The following PRKCH variants were observed in gnomAD, a reference collection of about 807,000 sequenced individuals.
PRKCH encodes protein kinase C eta type.
In PRKCH, 28 loss-of-function variants were observed where a neutral mutation model predicts 82.5. The observed-to-expected ratio is 0.34, with a 90% CI of 0.25 to 0.47. The LOEUF (loss-of-function observed/expected upper bound fraction) is 0.47. Ranked by LOEUF, PRKCH falls within the 20% of genes least tolerant of loss-of-function variation. PRKCH has a pLI of 1.00. For synonymous variants in PRKCH, 322 were observed against 327.4 expected (o/e 0.98, Z 0.18); for missense variants, 705 against 881.8 (o/e 0.80, Z 2.54).
chr14:61,373,385 G>A (rs147205174), intron 1 of PRKCH, among the ~76,000 whole-genome samples: 1,945 of 151,948 alleles, frequency 0.013, 23 homozygotes, highest in South Asian at 0.026. Flanking sequence ...CAACCAACCA[G>A]ATGTCATGAG....
rs550850034 is a variant in PRKCH at position 61,295,592 on chromosome 14, G to A, written c.-19+107924G>A. ...GGTAGTGAGGCTTAAATGGGGTAATGCCGAATCCAGTGCCTGGCACAAAGT... is the reference window on the plus strand; with the variant it reads ...GGTAGTGAGGCTTAAATGGGGTAATACCGAATCCAGTGCCTGGCACAAAGT... On this transcript the variant is annotated intron_variant, in intron 1 of 3. Transcript: ENST00000555185. 3.3e-5 allele frequency among the ~76,000 whole-genome samples: 5 copies of A among 152,364 alleles called. No individual in the cohort carries two copies. The South Asian group carries it at 1.0e-3, about 32-fold the overall frequency.
At chr14:61,471,403 C>G (rs1397501188) in intron 9 of PRKCH, among the ~76,000 whole-genome samples, 1 of 152,206 alleles carries the variant, frequency 6.6e-6, no homozygotes, top group Non-Finnish European at 1.5e-5. Flanking sequence ...TGCTCATTCA[C>G]TTGATTTGTG....
At chr14:61,444,430 T>C (rs1884118791) in intron 3 of PRKCH, among the ~76,000 whole-genome samples, 1 of 150,318 alleles carries the variant, frequency 6.7e-6, no homozygotes, top group African/African-American at 2.4e-5. Flanking sequence ...TGTCACACTT[T>C]TCTGTTTCTT....
At chr14:61,199,363 C>T (rs60666689) in intron 1 of PRKCH, among the ~76,000 whole-genome samples, 3,630 of 152,198 alleles carry the variant, frequency 0.024, 133 homozygotes, top group African/African-American at 0.081. Flanking sequence ...CCATGGTTTC[C>T]CAGACATCAA....
chr14:61,336,202 G>T (rs566066239), intron 1 of PRKCH, among the ~76,000 whole-genome samples: 1 of 152,224 alleles, frequency 6.6e-6, no homozygotes, highest in African/African-American at 2.4e-5. Context: ...TTTGAAAGCA[G>T]TAAGATATTT....
intron 10 of PRKCH, among the ~76,000 whole-genome samples, chr14:61,506,876 TG>T (rs1462321031): frequency 1.2e-4 from 19 of 152,134 alleles, no homozygotes; most frequent in African/African-American, 4.3e-4. Flanking sequence ...AGCCCTAAAT[TG>T]CCCTGCTAAA....
At chr14:61,526,706 G>A (rs971941134) in intron 10 of PRKCH, among the ~76,000 whole-genome samples, 5 of 152,166 alleles carry the variant, frequency 3.3e-5, no homozygotes, top group African/African-American at 1.2e-4. Context: ...ATAGAACCTC[G>A]AGTGCCCTGA....
intron 2 of PRKCH, among the ~76,000 whole-genome samples, chr14:61,426,559 C>T (rs965280513): frequency 6.6e-6 from 1 of 152,106 alleles, no homozygotes; most frequent in African/African-American, 2.4e-5. Context: ...TCTCTTTAGT[C>T]TTGGATGGTA....
intron 2 of PRKCH, among the ~76,000 whole-genome samples, chr14:61,433,803 CAT>C (rs1257975126): frequency 1.3e-5 from 2 of 152,302 alleles, no homozygotes; most frequent in Admixed American, 6.5e-5. Context: ...TAGAGTATAA[CAT>C]ACATCATTAA....
chr14:61,488,743 G>A (rs372785389), intron 10 of PRKCH, among the ~76,000 whole-genome samples: 54 of 152,082 alleles, frequency 3.6e-4, no homozygotes, highest in African/African-American at 1.2e-3. Flanking sequence ...GGATATTACC[G>A]CCCCTCAGTC....
At chr14:61,304,437 C>T (rs544544885) in intron 1 of PRKCH, 3 of 152,290 alleles carry the variant, frequency 2.0e-5, no homozygotes, top group African/African-American at 7.2e-5. Flanking sequence ...CCACCGCCCC[C>T]AATTCTTCTA....
intron 10 of PRKCH, among the ~76,000 whole-genome samples, chr14:61,488,647 C>T (rs1462326387): frequency 6.6e-6 from 1 of 152,170 alleles, no homozygotes; most frequent in African/African-American, 2.4e-5. Context: ...GTAGAGTGGG[C>T]AAAAGCAATT....
Position 61,447,370 on chromosome 14 carries a change from G to C in PRKCH, c.613+1644G>C, listed in dbSNP as rs144886189. ...TATAGTTGGAGACTTCAATATCTCA[G>C]TAATTGATAGATCCAGCAGGCAGGG... On this transcript the variant is annotated intron_variant, in intron 4 of 13. Coordinates refer to ENST00000332981, the MANE Select transcript of PRKCH (RefSeq NM_006255.5). Among the ~76,000 whole-genome samples the C allele has an allele frequency of 3.3e-5, 5 of 152,318 alleles. No individual in the cohort carries two copies. In the East Asian group the frequency reaches 9.6e-4, roughly 29 times the overall value.
rs769962705 is a variant in PRKCH, at chr14:61,280,689, G to C, written c.-19+93021G>C. 4 of 1,577,346 alleles carry C rather than the reference G, an allele frequency of 2.5e-6. No individual in the cohort carries two copies. Among genetic ancestry groups the C allele is most frequent in the South Asian group, 1.1e-5 (1 of 87,278 alleles). On this transcript the variant is annotated intron_variant, in intron 1 of 3. Coordinates refer to the PRKCH transcript ENST00000555185. This position sits in a 1 kb window ranked among gnomAD's most constrained non-coding sequence, Gnocchi z 5.0. ...AGGGCGCGATGGGCAGGCCGGCCGC[G>C]CTGCGCTGGTAGGGGGCGCACTCGT...
chr14:61,383,205 A>G (rs2046536747), intron 1 of PRKCH, among the ~76,000 whole-genome samples: 1 of 152,016 alleles, frequency 6.6e-6, no homozygotes, highest in Non-Finnish European at 1.5e-5. Flanking sequence ...GAGTGCTTTT[A>G]TTTTTTACAA....
chr14:61,239,318 G>T (rs4902038), intron 1 of PRKCH, among the ~76,000 whole-genome samples: 142,741 of 152,146 alleles, frequency 0.94, 67,601 homozygotes, highest in Non-Finnish European at 1. Flanking sequence ...CCCGAGAGCG[G>T]GCCAACAAAC....
At chr14:61,503,659 A>G (rs1037027463) in intron 10 of PRKCH, among the ~76,000 whole-genome samples, 1 of 152,172 alleles carries the variant, frequency 6.6e-6, no homozygotes, top group African/African-American at 2.4e-5. Flanking sequence ...TGAAGTTTTT[A>G]TGTCCAGGAA....
At chr14:61,247,260 A>G (rs73310552) in intron 1 of PRKCH, among the ~76,000 whole-genome samples, 2,104 of 152,236 alleles carry the variant, frequency 0.014, 19 homozygotes, top group South Asian at 0.02. Context: ...TCCCTAGGAC[A>G]TTAGACTTTT....
chr14:61,260,410 G>A (rs939858962), intron 1 of PRKCH, among the ~76,000 whole-genome samples: 1 of 152,152 alleles, frequency 6.6e-6, no homozygotes, highest in Non-Finnish European at 1.5e-5. Context: ...TGGAATCTCA[G>A]TATCAATTCT....
Sources: allele counts gnomAD v4.1 joint callset (sites outside exome capture counted in the v4.1 genomes callset), GRCh38; gene constraint gnomAD v4.1.1; non-coding constraint Gnocchi (gnomAD v3.1); transcripts MANE v1.5; gene names NCBI Gene and HGNC (gene_info 2026-07-23, HGNC 2026-07-21).